The following PTPRK variants were observed in gnomAD, a reference collection of about 807,000 sequenced individuals.
The protein encoded by PTPRK is receptor-type tyrosine-protein phosphatase kappa.
A neutral mutation model predicts 178.0 loss-of-function variants in PTPRK; 75 were observed. That is an observed-to-expected ratio of 0.42 (90% CI 0.35 to 0.51). The LOEUF (loss-of-function observed/expected upper bound fraction) is 0.51. Among genes scored for constraint, PTPRK ranks in the 20% least tolerant of loss-of-function variants. PTPRK has a pLI of 0.02. For synonymous variants in PTPRK, 637 were observed against 620.6 expected (o/e 1.03, Z -0.39); for missense variants, 1,441 against 1,797.8 (o/e 0.80, Z 3.59).
At chr6:128,311,559 G>A (rs558293446) in intron 3 of PTPRK, among the ~76,000 whole-genome samples, 34 of 152,184 alleles carry the variant, frequency 2.2e-4, no homozygotes, top group Non-Finnish European at 3.8e-4. Flanking sequence ...CAGTATGATC[G>A]TTCTCATTTC....
At chr6:127,990,609 A>C (rs574339484) in intron 21 of PTPRK, among the ~76,000 whole-genome samples, 160 bp downstream of exon 21, 97 of 152,260 alleles carry the variant, frequency 6.4e-4, no homozygotes, top group African/African-American at 2.1e-3. Context: ...CAAGGTTTAG[A>C]AACATGTCTG....
At chr6:127,987,599 C>T (rs1431722667) in intron 21 of PTPRK, among the ~76,000 whole-genome samples, 5 of 152,004 alleles carry the variant, frequency 3.3e-5, no homozygotes, top group African/African-American at 9.7e-5. Context: ...GTTTATACAT[C>T]CCATTTAAAA....
chr6:128,444,383 C>A (rs1018058722), intron 1 of PTPRK, among the ~76,000 whole-genome samples: 2 of 152,140 alleles, frequency 1.3e-5, no homozygotes, highest in African/African-American at 4.8e-5. Flanking sequence ...GTCTGTTTAA[C>A]CAGAATCCCC....
chr6:128,450,750 A>G (rs947978783), intron 1 of PTPRK, among the ~76,000 whole-genome samples: 3 of 152,366 alleles, frequency 2.0e-5, no homozygotes, highest in Admixed American at 6.5e-5. Context: ...TCACTTGACA[A>G]TATCTTTGAT....
rs11961650 is a variant in PTPRK, at chr6:128,273,098, G to A, written c.496-30496C>T. Among the ~76,000 whole-genome samples, 569 of 151,914 alleles carry A rather than the reference G, an allele frequency of 3.7e-3. 2 individuals carry two copies. The highest frequency in any genetic ancestry group is 7.3e-3 in the African/African-American group (301 of 41,470). On this transcript the variant is annotated intron_variant, in intron 3 of 29. Transcript: ENST00000368226. ...GCTAGAAACCATCATTCTGACTATC[G>A]CAAGGATAGAAAACCAAACACTGCA...
chr6:128,132,929 C>T (rs1794477373), intron 7 of PTPRK, among the ~76,000 whole-genome samples: 2 of 152,126 alleles, frequency 1.3e-5, no homozygotes, highest in Admixed American at 6.5e-5. Flanking sequence ...AGTTAGAGAA[C>T]AACTTTCTAC....
At chr6:128,439,788 G>C (rs1244388251) in intron 1 of PTPRK, among the ~76,000 whole-genome samples, 1 of 152,098 alleles carries the variant, frequency 6.6e-6, no homozygotes. Flanking sequence ...AAATATATTT[G>C]GTCTGTAATG....
chr6:128,157,991 T>C (rs1489799191), intron 7 of PTPRK, among the ~76,000 whole-genome samples: 1 of 152,032 alleles, frequency 6.6e-6, no homozygotes, highest in African/African-American at 2.4e-5. Flanking sequence ...TTTTGGTGTT[T>C]TAGACATGAA....
In PTPRK at chr6:127,998,792, C is replaced by T. The variant is rs541434752; in HGVS notation, c.2607G>A (p.Arg869=). The part of the protein sequence containing the change: ...YQTGQLHPAI[R]VADLLQHINL... ...TAATGTGCTGCAGTAAATCAGCTAC[C>T]CTGATGGCTGGATGCAGCTGTCCTG... The change falls in exon 16 of 30, where the codon AGG becomes AGA. Residue 869 remains arginine (R), a synonymous_variant. Transcript: ENST00000368226. The T allele has an allele frequency of 1.2e-6, 2 of 1,610,558 alleles. No individual in the cohort carries two copies. Among genetic ancestry groups the T allele is most frequent in the Admixed American group, 3.3e-5 (2 of 59,750 alleles).
chr6:128,391,029 G>A (rs1839479594), intron 2 of PTPRK, among the ~76,000 whole-genome samples: 1 of 152,044 alleles, frequency 6.6e-6, no homozygotes, highest in African/African-American at 2.4e-5. Flanking sequence ...GGGGTAGATG[G>A]TGAGAATGTA....
intron 7 of PTPRK, among the ~76,000 whole-genome samples, chr6:128,130,080 C>T (rs1486259461): frequency 2.0e-5 from 3 of 152,080 alleles, no homozygotes; most frequent in East Asian, 1.9e-4. Context: ...TATATTTTCT[C>T]TAAGTCATAG....
At chr6:128,079,480 A>T (rs1033431850) in intron 10 of PTPRK, among the ~76,000 whole-genome samples, 1 of 152,114 alleles carries the variant, frequency 6.6e-6, no homozygotes. Flanking sequence ...CATCAGGGAC[A>T]TTAGTTGCCA....
chr6:128,336,722 T>C (rs556895636), intron 2 of PTPRK, among the ~76,000 whole-genome samples: 2 of 152,320 alleles, frequency 1.3e-5, no homozygotes, highest in South Asian at 4.1e-4. Context: ...CCCTAAGAAC[T>C]GTTTCTGTAA....
chr6:127,971,696 A>G (rs1773916804), intron 29 of PTPRK, among the ~76,000 whole-genome samples: 1 of 152,160 alleles, frequency 6.6e-6, no homozygotes, highest in South Asian at 2.1e-4. Flanking sequence ...GGAAGGTCCC[A>G]GAATGGCACA....
At chr6:128,154,192 A>T (rs1797666687) in intron 7 of PTPRK, among the ~76,000 whole-genome samples, 1 of 151,632 alleles carries the variant, frequency 6.6e-6, no homozygotes, top group South Asian at 2.1e-4. Flanking sequence ...ATCTGTTAAT[A>T]AATAATTGAT....
chr6:128,479,524 T>C (rs559230343), intron 1 of PTPRK, among the ~76,000 whole-genome samples: 1 of 152,244 alleles, frequency 6.6e-6, no homozygotes, highest in African/African-American at 2.4e-5. Flanking sequence ...AGGGCCTCTT[T>C]GTAGTAAACA....
Position 128,368,384 on chromosome 6 carries a change from A to T in PTPRK, c.223+29182T>A, listed in dbSNP as rs76233274. ...GTATTAACAATAAACTGTTCTGTTAAAAAAGAAAAAAAAAAAACGTCAAAG... is the reference window on the plus strand; with the variant it reads ...GTATTAACAATAAACTGTTCTGTTATAAAAGAAAAAAAAAAAACGTCAAAG... On this transcript the variant is annotated intron_variant, in intron 2 of 29. Transcript: ENST00000368226. Among the ~76,000 whole-genome samples the T allele has an allele frequency of 7.3e-3, 1,090 of 149,958 alleles. 11 individuals are homozygous for T. The highest frequency in any genetic ancestry group is 0.025 in the African/African-American group (1,034 of 41,406).
At chr6:128,044,022 C>T (rs1777629478) in intron 13 of PTPRK, among the ~76,000 whole-genome samples, 1 of 151,930 alleles carries the variant, frequency 6.6e-6, no homozygotes, top group South Asian at 2.1e-4. Context: ...TGCTAAGTAA[C>T]TCAAACTGGA....
At chr6:128,256,741 C>T (rs1392179039) in intron 3 of PTPRK, among the ~76,000 whole-genome samples, 1 of 151,760 alleles carries the variant, frequency 6.6e-6, no homozygotes, top group Non-Finnish European at 1.5e-5. Flanking sequence ...CGGCTGTAGG[C>T]AAACTATTTT....
Sources: gnomAD v4.1 joint callset for allele counts (sites outside exome capture counted in the v4.1 genomes callset) on GRCh38, gnomAD v4.1.1 for gene constraint, MANE v1.5 for transcripts, NCBI Gene and HGNC (gene_info 2026-07-23, HGNC 2026-07-21) for gene names.